The following EXOC6 variants were observed in gnomAD, a reference collection of about 807,000 sequenced individuals.
EXOC6 encodes exocyst complex component 6, also known as SEC15-like 1.
A neutral mutation model predicts 112.5 loss-of-function variants in EXOC6; 60 were observed. The ratio of observed to expected loss-of-function variants is 0.53; its 90% CI spans 0.43 to 0.66. EXOC6 has a LOEUF of 0.66. EXOC6 is among the 30% of genes least tolerant of loss of function. EXOC6 has a pLI of 0.00. For synonymous variants in EXOC6, 295 were observed against 308.0 expected, an observed-to-expected ratio of 0.96 and a Z score of 0.44; for missense variants, 855 against 957.1, an observed-to-expected ratio of 0.89 and a Z score of 1.41.
intron 6 of EXOC6, among the ~76,000 whole-genome samples, chr10:92,913,364 C>T: frequency 6.6e-6 from 1 of 152,202 alleles, no homozygotes; most frequent in Admixed American, 6.5e-5. Context: ...TCTGTATTCT[C>T]TTCTCCTTTT....
intron 1 of EXOC6, among the ~76,000 whole-genome samples, chr10:92,863,206 C>T (rs753288515): frequency 3.3e-5 from 5 of 152,156 alleles, no homozygotes; most frequent in East Asian, 1.9e-4. Context: ...AACACAATAT[C>T]GATAGCAAGG....
chr10:92,857,105 T>C (rs1847639925), intron 1 of EXOC6, among the ~76,000 whole-genome samples: 1 of 152,134 alleles, frequency 6.6e-6, no homozygotes, highest in African/African-American at 2.4e-5. Flanking sequence ...AATGTTATTA[T>C]TTACATAGTT....
At chr10:92,907,476 A>G (rs539599444) in intron 5 of EXOC6, among the ~76,000 whole-genome samples, 45 of 152,302 alleles carry the variant, frequency 3.0e-4, no homozygotes, top group African/African-American at 1.1e-3. Flanking sequence ...GGGAGGTGAG[A>G]GATGAGCGGC....
intron 1 of EXOC6, among the ~76,000 whole-genome samples, chr10:92,888,908 C>CT (rs1424297803): frequency 6.6e-6 from 1 of 152,154 alleles, no homozygotes; most frequent in Non-Finnish European, 1.5e-5. Context: ...GCCTCAGTTA[C>CT]TTACCAGCTA....
Position 92,858,016 on chromosome 10 carries a change from A to C in EXOC6, c.101+9382A>C, listed in dbSNP as rs886673525. ...TTACCATATGTAAGATTTTTAGTTGACGGGTTCCCCCCCTCCGCCGGCCAG... is the reference window on the plus strand; with the variant it reads ...TTACCATATGTAAGATTTTTAGTTGCCGGGTTCCCCCCCTCCGCCGGCCAG... On this transcript the variant is annotated intron_variant, in intron 1 of 21. Transcript: ENST00000260762. 1.1e-4 allele frequency among the ~76,000 whole-genome samples: 13 copies of C among 120,914 alleles called. 1 individual carries two copies. The highest frequency in any genetic ancestry group is 1.2e-3 in the East Asian group (2 of 1,640). 79.3% of individuals were successfully genotyped at this position (120,914 alleles called of 152,430 possible).
chr10:92,912,809 C>A (rs1338931820), intron 6 of EXOC6, among the ~76,000 whole-genome samples: 2 of 152,132 alleles, frequency 1.3e-5, no homozygotes. Context: ...CTAAAGGGGC[C>A]TAGAAGAGCC....
At position 92,997,093 on chromosome 10, in the gene EXOC6, A is replaced by G. The variant is rs1348734537; in HGVS notation, c.1954-381A>G. ...TTAGCTAAAGGAGAGATTAAGGAGC[A>G]TTAAATGGATAAAATGTTCTGTCAG... On this transcript the variant is annotated intron_variant, in intron 18 of 21. Coordinates refer to ENST00000260762, the MANE Select transcript of EXOC6 (RefSeq NM_019053.6). Among the ~76,000 whole-genome samples the G allele has an allele frequency of 2.0e-5, 3 of 152,232 alleles. No individual in the cohort carries two copies. The East Asian group carries it at 5.8e-4, about 29-fold the overall frequency.
At chr10:92,898,398 G>C (rs1453514532) in intron 4 of EXOC6, among the ~76,000 whole-genome samples, 1 of 148,908 alleles carries the variant, frequency 6.7e-6, no homozygotes, top group Middle Eastern at 3.2e-3. Flanking sequence ...CCACTGCCCT[G>C]TAACCTGGGT....
intron 17 of EXOC6, among the ~76,000 whole-genome samples, chr10:92,969,463 T>C (rs1247293836): frequency 6.6e-6 from 1 of 152,078 alleles, no homozygotes; most frequent in Non-Finnish European, 1.5e-5. Context: ...TAACAAAATA[T>C]TTGTTATTTT....
intron 19 of EXOC6, among the ~76,000 whole-genome samples, chr10:93,004,474 C>A (rs1471536061): frequency 2.0e-5 from 3 of 152,160 alleles, no homozygotes; most frequent in Non-Finnish European, 2.9e-5. Flanking sequence ...ACTCCTTGAT[C>A]TAAACAAAAC....
At chr10:93,011,871 G>A (rs1420330994) in intron 19 of EXOC6, among the ~76,000 whole-genome samples, 28 of 152,218 alleles carry the variant, frequency 1.8e-4, no homozygotes, top group Non-Finnish European at 2.9e-5. Context: ...TGATACCACT[G>A]TATGAAAGTA....
chr10:92,837,882 G>A (rs1245033596), intron 1 of EXOC6, among the ~76,000 whole-genome samples: 4 of 152,240 alleles, frequency 2.6e-5, no homozygotes, highest in Non-Finnish European at 4.4e-5. Flanking sequence ...ATACTGAAGC[G>A]TTTACCTACG....
intron 20 of EXOC6, among the ~76,000 whole-genome samples, chr10:93,016,298 TC>T (rs199652590): frequency 0.049 from 6,343 of 129,134 alleles, 290 homozygotes; most frequent in African/African-American, 0.14. Context: ...CATGCCTGGC[TC>T]ATTTTTTTTT....
chr10:92,851,417 A>G (rs898414902), intron 1 of EXOC6, among the ~76,000 whole-genome samples: 1 of 152,122 alleles, frequency 6.6e-6, no homozygotes, highest in African/African-American at 2.4e-5. Context: ...AGGCCGAGGC[A>G]GGCAGATCAC....
intron 1 of EXOC6, among the ~76,000 whole-genome samples, chr10:92,877,663 T>C (rs1430495132): frequency 1.3e-5 from 2 of 152,228 alleles, no homozygotes; most frequent in African/African-American, 4.8e-5. Flanking sequence ...CCAATAGAAG[T>C]GGACTGTGTA....
intron 12 of EXOC6, among the ~76,000 whole-genome samples, chr10:92,936,435 G>C (rs564409097): frequency 6.6e-6 from 1 of 152,292 alleles, no homozygotes; most frequent in South Asian, 2.1e-4. Flanking sequence ...CTGGTTTCTG[G>C]TTTTCCATGT....
At chr10:92,885,368 G>GCTC (rs1849161212) in intron 1 of EXOC6, among the ~76,000 whole-genome samples, 1 of 151,690 alleles carries the variant, frequency 6.6e-6, no homozygotes, top group African/African-American at 2.4e-5. Context: ...TTCACATGAA[G>GCTC]GTTAAAGTCA....
chr10:92,945,920 A>T (rs1371945462), intron 13 of EXOC6, among the ~76,000 whole-genome samples: 1 of 152,178 alleles, frequency 6.6e-6, no homozygotes, highest in Non-Finnish European at 1.5e-5. Flanking sequence ...TAATTTTTGT[A>T]TTTTTTGGTA....
chr10:92,966,315 T>G (rs1842050850), intron 17 of EXOC6, among the ~76,000 whole-genome samples: 1 of 123,978 alleles, frequency 8.1e-6, no homozygotes, highest in African/African-American at 2.9e-5. Context: ...TATTATACTT[T>G]TAGGGTACAT....
Sources: allele counts gnomAD v4.1 joint callset (sites outside exome capture counted in the v4.1 genomes callset), GRCh38; gene constraint gnomAD v4.1.1; transcripts MANE v1.5; gene names NCBI Gene and HGNC (gene_info 2026-07-23, HGNC 2026-07-21).